Variants in MMP16 observed in about 807,000 individuals in gnomAD.
MMP16 encodes matrix metalloproteinase-16.
Under a neutral mutation model 67.8 loss-of-function variants are expected in MMP16, and 12 were observed. The observed-to-expected ratio is 0.18, with a 90% confidence interval of 0.11 to 0.29. The LOEUF is 0.29. Ranked by LOEUF, MMP16 falls within the 10% of genes least tolerant of loss-of-function variation. The pLI, the probability that MMP16 is intolerant of heterozygous loss-of-function variation, is 1.00. For missense variants in MMP16, 475 were observed against 765.7 expected (o/e 0.62, Z 4.48); for synonymous variants, 249 against 255.9 (o/e 0.97, Z 0.26).
chr8:88,053,178 T>C (rs1808291116), intron 8 of MMP16, among the ~76,000 whole-genome samples: 1 of 152,224 alleles, frequency 6.6e-6, no homozygotes, highest in Non-Finnish European at 1.5e-5. Flanking sequence ...ATGTTCATAC[T>C]GTCACAGGCA....
At position 88,238,475 on chromosome 8, in the gene MMP16, TG is replaced by T. The variant is rs1809980831; in HGVS notation, c.133-41170del. ...GAGTTTGAGACCAACCCGGCCAACATGGTGAAACTCTCTCTCTACTAAAAAT... is the reference window on the plus strand; with the variant it reads ...GAGTTTGAGACCAACCCGGCCAACATGTGAAACTCTCTCTCTACTAAAAAT... On this transcript the variant is annotated intron_variant, in intron 1 of 9. Transcript: ENST00000286614. Among the ~76,000 whole-genome samples, 6 of 151,874 alleles carry T rather than the reference TG, an allele frequency of 4.0e-5. No homozygotes were observed. The South Asian group carries it at 1.2e-3, about 32-fold the overall frequency.
intron 4 of MMP16, among the ~76,000 whole-genome samples, chr8:88,140,224 G>T (rs1359190696): frequency 6.6e-6 from 1 of 152,114 alleles, no homozygotes; most frequent in Non-Finnish European, 1.5e-5. Flanking sequence ...TGGGTCTCGG[G>T]TCTCATATGG....
intron 3 of MMP16, among the ~76,000 whole-genome samples, chr8:88,171,409 A>C (rs1030784767): frequency 6.6e-6 from 1 of 152,230 alleles, no homozygotes; most frequent in African/African-American, 2.4e-5. Context: ...GAATCTGGGA[A>C]GTCAGTGCCC....
intron 4 of MMP16, among the ~76,000 whole-genome samples, chr8:88,134,633 C>T (rs2118484268): frequency 6.6e-6 from 1 of 151,420 alleles, no homozygotes; most frequent in African/African-American, 2.4e-5. Context: ...TTCTAACTTT[C>T]CTCTCAACAC....
intron 1 of MMP16, among the ~76,000 whole-genome samples, chr8:88,314,433 A>G (rs1811346628): frequency 6.6e-6 from 1 of 152,192 alleles, no homozygotes; most frequent in Non-Finnish European, 1.5e-5. Context: ...GCTAGACATT[A>G]TGAATTTTAC....
intron 4 of MMP16, among the ~76,000 whole-genome samples, chr8:88,148,309 T>C (rs1403453847): frequency 6.6e-6 from 1 of 152,244 alleles, no homozygotes; most frequent in African/African-American, 2.4e-5. Context: ...AAATTCAGTA[T>C]CTGAAATCCT....
intron 1 of MMP16, among the ~76,000 whole-genome samples, chr8:88,232,011 G>A (rs1043202075): frequency 6.6e-6 from 1 of 151,978 alleles, no homozygotes; most frequent in African/African-American, 2.4e-5. Flanking sequence ...TTCTGAGTTC[G>A]TTTTCCTGCA....
chr8:88,096,882 T>G (rs1003335992), intron 6 of MMP16, among the ~76,000 whole-genome samples: 79 of 151,998 alleles, frequency 5.2e-4, no homozygotes, highest in Non-Finnish European at 4.4e-5. Context: ...TTCTAGCATT[T>G]AAAACACTGT....
chr8:88,144,657 ATTAAG>A (rs375325338), intron 4 of MMP16, among the ~76,000 whole-genome samples: 468 of 152,044 alleles, frequency 3.1e-3, no homozygotes, highest in Middle Eastern at 0.017. Flanking sequence ...AGTAATTGGA[ATTAAG>A]TTATTATTTT....
Position 88,118,699 on chromosome 8 carries a change from C to T in MMP16, c.871+1G>A. On this transcript the variant is annotated splice_donor_variant, in intron 5 of 9. Transcript: ENST00000286614. LOFTEE classifies it high-confidence loss of function. ...AGCAAATTGAAACAGTAGTAACCTA[C>T]CATATATCTTCTGGATGCCCTGTAA... 1 of 1,612,576 alleles carries T rather than the reference C, an allele frequency of 6.2e-7. No individual in the cohort carries two copies. The highest frequency in any genetic ancestry group is 8.5e-7 in the Non-Finnish European group (1 of 1,179,016).
intron 7 of MMP16, among the ~76,000 whole-genome samples, chr8:88,073,414 T>G (rs559104097): frequency 3.3e-5 from 5 of 152,138 alleles, no homozygotes; most frequent in Admixed American, 3.3e-4. Context: ...TAAAATCATT[T>G]TGAGATGGGG....
At chr8:88,142,122 C>A (rs185102219) in intron 4 of MMP16, among the ~76,000 whole-genome samples, 42 of 151,914 alleles carry the variant, frequency 2.8e-4, no homozygotes, top group African/African-American at 9.2e-4. Flanking sequence ...GTTGCCCAGG[C>A]TGGTCTTGAA....
intron 1 of MMP16, among the ~76,000 whole-genome samples, chr8:88,229,210 G>A (rs918032015): frequency 2.6e-5 from 4 of 151,996 alleles, no homozygotes; most frequent in African/African-American, 7.2e-5. Context: ...TACTTTATTT[G>A]ATATTTTGTG....
Position 88,149,168 on chromosome 8 carries a change from C to T in MMP16, c.709+18501G>A, listed in dbSNP as rs182797908. ...CTTTTCAGACGGGCTTAAAAAACGG[C>T]GCACCACGAAACCATATCCCACACC... On this transcript the variant is annotated intron_variant, in intron 4 of 9. Transcript: ENST00000286614. 7.3e-3 allele frequency among the ~76,000 whole-genome samples: 1,116 copies of T among 152,322 alleles called. 12 individuals are homozygous for T. Among genetic ancestry groups the T allele is most frequent in the African/African-American group, 0.025 (1,029 of 41,580 alleles).
intron 1 of MMP16, among the ~76,000 whole-genome samples, chr8:88,319,028 C>T (rs978047153): frequency 2.6e-5 from 4 of 152,162 alleles, no homozygotes; most frequent in South Asian, 4.2e-4. Flanking sequence ...ATAAAATCCA[C>T]GCTACAGACA....
intron 1 of MMP16, among the ~76,000 whole-genome samples, chr8:88,202,564 C>T (rs1257591443): frequency 6.6e-6 from 1 of 152,020 alleles, no homozygotes; most frequent in Non-Finnish European, 1.5e-5. Flanking sequence ...ATGCCATCTG[C>T]TCAGATTTTA....
At chr8:88,109,979 T>A (rs999101277) in intron 6 of MMP16, among the ~76,000 whole-genome samples, 1 of 151,242 alleles carries the variant, frequency 6.6e-6, no homozygotes, top group Non-Finnish European at 1.5e-5. Context: ...ATGTACATAA[T>A]AAAATATATC....
chr8:88,234,671 T>C (rs570628924), intron 1 of MMP16, among the ~76,000 whole-genome samples: 1 of 152,324 alleles, frequency 6.6e-6, no homozygotes, highest in African/African-American at 2.4e-5. Flanking sequence ...TACTTACACA[T>C]GCAATTAGAG....
chr8:88,158,945 T>C (rs1371661315), intron 4 of MMP16, among the ~76,000 whole-genome samples: 1 of 152,180 alleles, frequency 6.6e-6, no homozygotes. Context: ...TTTCTTGTTC[T>C]TGTCAGGTTT....
Sources: allele counts gnomAD v4.1 joint callset (sites outside exome capture counted in the v4.1 genomes callset), GRCh38; gene constraint gnomAD v4.1.1; transcripts MANE v1.5; gene names NCBI Gene and HGNC (gene_info 2026-07-23, HGNC 2026-07-21).